Variants in TAFA2 observed in about 807,000 individuals in gnomAD.
The protein encoded by TAFA2 is chemokine-like protein TAFA-2.
TAFA2 carries 7 observed loss-of-function variants against 18.8 expected under a neutral mutation model. That is an observed-to-expected ratio of 0.37 (90% CI 0.21 to 0.70). TAFA2 has a LOEUF of 0.70. Among genes scored for constraint, TAFA2 ranks in the 30% least tolerant of loss-of-function variants. The pLI, the probability that TAFA2 is intolerant of heterozygous loss-of-function variation, is 0.53. For missense variants in TAFA2, 122 were observed against 158.1 expected, an observed-to-expected ratio of 0.77 and a Z score of 1.23; for synonymous variants, 60 against 54.2, an observed-to-expected ratio of 1.11 and a Z score of -0.47.
At chr12:61,915,531 C>G (rs2121352686) in intron 1 of TAFA2, among the ~76,000 whole-genome samples, 1 of 152,294 alleles carries the variant, frequency 6.6e-6, no homozygotes, top group South Asian at 2.1e-4. Context: ...CTTACTCAGT[C>G]ATAGCGGCCA....
At chr12:61,935,850 G>C (rs1008800738) in intron 1 of TAFA2, among the ~76,000 whole-genome samples, 2 of 151,368 alleles carry the variant, frequency 1.3e-5, no homozygotes, top group African/African-American at 2.4e-5. Context: ...AATTGAATCA[G>C]TAATTAAAAA....
chr12:62,202,821 C>CCTTTTTTTTTTTTTTTTT (rs368047311), intron 1 of TAFA2, among the ~76,000 whole-genome samples: 2 of 61,626 alleles, frequency 3.2e-5, no homozygotes, highest in African/African-American at 5.9e-5. Flanking sequence ...CTGTGTGGTT[C>CCTTTTTTTTTTTTTTTTT]TTTTTTTTTT....
chr12:61,824,245 G>C (rs1435259868), intron 2 of TAFA2, among the ~76,000 whole-genome samples: 1 of 152,134 alleles, frequency 6.6e-6, no homozygotes, highest in African/African-American at 2.4e-5. Context: ...CCTCTGATGA[G>C]ACTGCAGACC....
At chr12:61,896,168 A>G (rs561309073) in intron 1 of TAFA2, among the ~76,000 whole-genome samples, 17 of 152,288 alleles carry the variant, frequency 1.1e-4, no homozygotes, top group African/African-American at 4.1e-4. Context: ...ATGGAAAGCC[A>G]GTTCTTTATT....
chr12:61,929,807 A>G (rs376424633), intron 1 of TAFA2, among the ~76,000 whole-genome samples: 1 of 152,148 alleles, frequency 6.6e-6, no homozygotes, highest in African/African-American at 2.4e-5. Flanking sequence ...CATATACACC[A>G]TGGAATACTA....
At chr12:61,816,415 GC>G (rs919126658) in intron 2 of TAFA2, among the ~76,000 whole-genome samples, 1 of 151,254 alleles carries the variant, frequency 6.6e-6, no homozygotes, top group Non-Finnish European at 1.5e-5. Context: ...TCTTTATCCA[GC>G]TGTCATTGAT....
chr12:62,019,928 A>G (rs1881073525), intron 1 of TAFA2, among the ~76,000 whole-genome samples: 1 of 152,210 alleles, frequency 6.6e-6, no homozygotes, highest in African/African-American at 2.4e-5. Context: ...ATTTCTTAAT[A>G]TATTTTTATT....
At chr12:61,955,649 A>ATATATATG (rs1555178811) in intron 1 of TAFA2, among the ~76,000 whole-genome samples, 18 of 77,508 alleles carry the variant, frequency 2.3e-4, no homozygotes, top group African/African-American at 6.6e-4. Flanking sequence ...ATATATATAT[A>ATATATATG]TATATATATA....
At chr12:62,059,139 A>ATGTGTGTGTGTG (rs374882700) in intron 1 of TAFA2, among the ~76,000 whole-genome samples, 8,965 of 136,160 alleles carry the variant, frequency 0.066, 373 homozygotes, top group African/African-American at 0.085. Flanking sequence ...ATGTGTGTAT[A>ATGTGTGTGTGTG]TGTGTGTGTG....
chr12:62,104,046 T>C (rs1338855493), intron 1 of TAFA2, among the ~76,000 whole-genome samples: 2 of 152,158 alleles, frequency 1.3e-5, no homozygotes, highest in African/African-American at 4.8e-5. Flanking sequence ...CACCTTTGAG[T>C]TGGCAATGCC....
chr12:62,207,917 G>A (rs570977951), intron 1 of TAFA2, among the ~76,000 whole-genome samples: 3 of 152,158 alleles, frequency 2.0e-5, no homozygotes, highest in Non-Finnish European at 2.9e-5. Context: ...AGGTAACTTC[G>A]GCACTGGGCT....
Position 61,735,350 on chromosome 12 carries a change from G to A in TAFA2, c.384+18272C>T, listed in dbSNP as rs536692972. ...ACTTGTGTTTTGATCTTTTGATCCA[G>A]ATTGGCAATCTTTGTATTTGCCTTT... On this transcript the variant is annotated intron_variant, in intron 4 of 4. Transcript: ENST00000416284. Among the ~76,000 whole-genome samples, 3 of 151,998 alleles carry A rather than the reference G, an allele frequency of 2.0e-5. No homozygotes were observed. The East Asian group carries it at 5.8e-4, about 29-fold the overall frequency.
At chr12:61,760,810 C>CT (rs11417861) in intron 2 of TAFA2, among the ~76,000 whole-genome samples, 135,393 of 150,838 alleles carry the variant, frequency 0.9, 60,965 homozygotes, top group East Asian at 1. Flanking sequence ...GCAAGACCCC[C>CT]GGAGAAGATT....
chr12:62,106,189 C>T (rs138720730), intron 1 of TAFA2, among the ~76,000 whole-genome samples: 391 of 151,538 alleles, frequency 2.6e-3, no homozygotes, highest in African/African-American at 8.6e-3. Context: ...AAAAAAATAG[C>T]CGGGTGTGGT....
intron 1 of TAFA2, among the ~76,000 whole-genome samples, chr12:62,046,013 G>A (rs1881898242): frequency 6.6e-6 from 1 of 152,088 alleles, no homozygotes; most frequent in African/African-American, 2.4e-5. Flanking sequence ...TAAGATGAAT[G>A]GTGAAATCGG....
intron 1 of TAFA2, chr12:62,145,610 G>A (rs1243734267): frequency 6.6e-6 from 1 of 152,230 alleles, no homozygotes; most frequent in Non-Finnish European, 1.5e-5. Context: ...GCCTCCCTCT[G>A]GGACATTCTC....
intron 1 of TAFA2, among the ~76,000 whole-genome samples, chr12:62,008,615 C>T (rs956857735): frequency 2.2e-4 from 33 of 152,140 alleles, no homozygotes; most frequent in African/African-American, 7.9e-4. Context: ...ACTATAACAC[C>T]CATCTTTGAG....
intron 1 of TAFA2, among the ~76,000 whole-genome samples, chr12:62,143,899 T>A (rs531891360): frequency 1.3e-5 from 2 of 150,762 alleles, no homozygotes; most frequent in East Asian, 2.0e-4. Context: ...AAAAAAAAAA[T>A]TAGCTGAGCA....
At chr12:62,106,167 T>C (rs912346138) in intron 1 of TAFA2, among the ~76,000 whole-genome samples, 10 of 149,940 alleles carry the variant, frequency 6.7e-5, no homozygotes, top group Non-Finnish European at 1.5e-4. Flanking sequence ...ACCCCATCTC[T>C]GCTAAAAATA....
Sources: gnomAD v4.1 joint callset for allele counts (sites outside exome capture counted in the v4.1 genomes callset) on GRCh38, gnomAD v4.1.1 for gene constraint, MANE v1.5 for transcripts, NCBI Gene and HGNC (gene_info 2026-07-23, HGNC 2026-07-21) for gene names.